ZNF250: variants seen among roughly 807,000 people sequenced by gnomAD.
ZNF250 encodes zinc finger protein 250.
A neutral mutation model predicts 37.1 loss-of-function variants in ZNF250; 13 were observed. That is an observed-to-expected ratio of 0.35 (90% CI 0.23 to 0.56). The LOEUF is 0.56. Among genes scored for constraint, ZNF250 ranks in the 20% least tolerant of loss-of-function variants. ZNF250 has a pLI of 0.87. For missense variants in ZNF250, 474 were observed against 697.9 expected, an observed-to-expected ratio of 0.68 and a Z score of 3.61; for synonymous variants, 251 against 265.6, an observed-to-expected ratio of 0.94 and a Z score of 0.54.
At chr8:144,901,996 C>G (rs1390678508), upstream of ZNF250, 2 of 152,392 alleles carry the variant, frequency 1.3e-5, no homozygotes, top group African/African-American at 4.8e-5. The surrounding 1 kb of genome is among the most constrained non-coding windows in gnomAD (Gnocchi z 5.4). Context: ...TCTCTTCCTT[C>G]GTTGCAACAC....
Position 144,882,258 on chromosome 8 carries a change from G to T in ZNF250, c.925C>A (p.Pro309Thr). Residue 309 changes from proline to threonine, a missense_variant, in exon 6 of 6, where the codon CCG becomes ACG. Physicochemically the swap from Pro to Thr is conservative, Grantham distance 38. Around this residue, in one of 2 missense-constraint regions of ZNF250, gnomAD observed 282 missense variants for 470.4 expected, o/e 0.60. Coordinates refer to ENST00000417550, the MANE Select transcript of ZNF250 (RefSeq NM_001109689.4). This position sits in a 1 kb window ranked among gnomAD's most constrained non-coding sequence, Gnocchi z 5.5. ...TGGTTGAAGGCTTTCCCACACAACG[G>T]ACACACATATGGCCTTTCTCCCGTG... ...IHTGERPYVC[P>T]LCGKAFNHST... 1 of 1,613,708 alleles carries T rather than the reference G, an allele frequency of 6.2e-7. No homozygotes were observed. Among genetic ancestry groups the T allele is most frequent in the Non-Finnish European group, 8.5e-7 (1 of 1,179,856 alleles).
chr8:144,889,060 G>A (rs567848275), intron 4 of ZNF250, among the ~76,000 whole-genome samples: 2 of 152,288 alleles, frequency 1.3e-5, no homozygotes, highest in African/African-American at 4.8e-5. Flanking sequence ...GAGCCACCAC[G>A]CCTGGCCGGT....
Position 144,882,048 on chromosome 8 carries a change from G to A in ZNF250, c.1135C>T (p.Gln379Ter). 6.2e-7 allele frequency: 1 copy of A among 1,613,790 alleles called. No individual in the cohort carries two copies. Among genetic ancestry groups the A allele is most frequent in the Non-Finnish European group, 8.5e-7 (1 of 1,179,920 alleles). ...TCCCCGGTGTGCACGTTGTGGTGCT[G>A]AATGAGGACTGAGCGGTCGCTGAAG... ...KAFSDRSVLI[Q>*]HHNVHTGEKP... The change falls in exon 6 of 6, where the codon CAG becomes TAG. Residue 379 changes from glutamine (Q) to a stop codon, truncating the protein, a stop_gained. Transcript: ENST00000417550. LOFTEE classifies it high-confidence loss of function. The surrounding 1 kb of genome is among the most constrained non-coding windows in gnomAD (Gnocchi z 5.5).
chr8:144,889,861 C>A, intron 3 of ZNF250, 72 bp downstream of exon 3: 2 of 1,528,518 alleles, frequency 1.3e-6, no homozygotes, highest in East Asian at 2.3e-5. Flanking sequence ...TGTCCCAGGC[C>A]CCGTACCCTG....
chr8:144,890,182 T>G lies in ZNF250; in HGVS notation c.43-123A>C. The stretch of plus-strand genomic sequence containing the variant: ...GGGCTCTGTGAGCTGAGGTGGGTGA[T>G]GGGAAGGGGCCGCGGAGTTCAGGGC... On this transcript the variant is annotated intron_variant, in intron 2 of 5. Transcript: ENST00000417550. This position sits in a 1 kb window ranked among gnomAD's most constrained non-coding sequence, Gnocchi z 5.1. 6.6e-7 allele frequency: 1 copy of G among 1,518,696 alleles called. No individual in the cohort carries two copies. The allele number at this position is 1,518,696 out of a possible 1,614,324, so 94.1% of individuals were successfully genotyped here. A position where few individuals can be genotyped will look rare whatever the true frequency, so the allele number is the denominator to read the frequency against.
At chr8:144,899,019 T>G (rs1832909947) in intron 1 of ZNF250, among the ~76,000 whole-genome samples, 1 of 152,202 alleles carries the variant, frequency 6.6e-6, no homozygotes, top group Non-Finnish European at 1.5e-5. Context: ...AAATGTGGTA[T>G]ATGTACACAA....
chr8:144,898,731 C>T (rs1035774838), intron 1 of ZNF250, among the ~76,000 whole-genome samples: 1 of 152,054 alleles, frequency 6.6e-6, no homozygotes, highest in East Asian at 1.9e-4. Flanking sequence ...GGGAGTCAAA[C>T]AATTCAATAG....
chr8:144,881,959 G>A lies in ZNF250; in HGVS notation c.1224C>T (p.His408=), dbSNP rs1328096030. 3.7e-6 allele frequency: 6 copies of A among 1,614,024 alleles called. No individual in the cohort carries two copies. Among genetic ancestry groups the A allele is most frequent in the Non-Finnish European group, 2.5e-6 (3 of 1,180,008 alleles). ...TFSHRSTLMN[H]ERIHTEEKPY... is the part of the protein sequence containing the mutation. ...GCTTTTCCTCGGTGTGGATCCGCTCGTGATTCATCAGTGTGGAGCGGTGGC... is the reference window on the plus strand; with the variant it reads ...GCTTTTCCTCGGTGTGGATCCGCTCATGATTCATCAGTGTGGAGCGGTGGC... Residue 408 remains histidine (H), a synonymous_variant, in exon 6 of 6, where the codon CAC becomes CAT. Transcript: ENST00000417550.
Position 144,881,331 on chromosome 8 carries a change from G to T in ZNF250, c.*184C>A. On this transcript the variant is annotated 3_prime_UTR_variant, in exon 6 of 6. Coordinates refer to ENST00000417550, the MANE Select transcript of ZNF250 (RefSeq NM_001109689.4). Reference sequence around the variant, plus strand: ...TCAAGATGTTGAGGAAAATAAAACAGGTAGTCTCTGAAGTTTTTCCACAGG... The same window carrying T: ...TCAAGATGTTGAGGAAAATAAAACATGTAGTCTCTGAAGTTTTTCCACAGG... The T allele has an allele frequency of 1.4e-6, 1 of 738,164 alleles. No individual in the cohort carries two copies. Among genetic ancestry groups the T allele is most frequent in the Non-Finnish European group, 2.0e-6 (1 of 494,060 alleles). The allele number at this position is 738,164 out of a possible 1,614,324, so 45.7% of individuals were successfully genotyped here.
At chr8:144,898,006 C>T (rs1019950821) in intron 1 of ZNF250, among the ~76,000 whole-genome samples, 1 of 152,200 alleles carries the variant, frequency 6.6e-6, no homozygotes, top group Non-Finnish European at 1.5e-5. Flanking sequence ...GAACATTTCA[C>T]GGTGCTACAG....
At position 144,882,129 on chromosome 8, in the gene ZNF250, G is replaced by C; in HGVS notation, c.1054C>G (p.His352Asp). The change falls in exon 6 of 6, where the codon CAC becomes GAC. Residue 352 changes from histidine (H) to aspartate (D), a missense_variant. Physicochemically the swap from His to Asp is moderately conservative, Grantham distance 81 (BLOSUM62 -1). Transcript: ENST00000417550. The surrounding 1 kb of genome is among the most constrained non-coding windows in gnomAD (Gnocchi z 5.5). ...TFSVKRTLLQHQRIHTGEKPY... is the reference protein window; with the variant it reads ...TFSVKRTLLQDQRIHTGEKPY... ...TTCTCCCCGGTGTGGATCCTCTGGT[G>C]CTGCAGCAGTGTCCTCTTCACACTG... The C allele has an allele frequency of 2.5e-6, 4 of 1,613,396 alleles. No homozygotes were observed. The highest frequency in any genetic ancestry group is 3.4e-6 in the Non-Finnish European group (4 of 1,179,832).
At chr8:144,894,607 A>G (rs1341643879) in intron 1 of ZNF250, among the ~76,000 whole-genome samples, 2 of 146,622 alleles carry the variant, frequency 1.4e-5, no homozygotes, top group Non-Finnish European at 3.0e-5. Context: ...TTTTTTTTTA[A>G]TTACTTCTAG....
intron 5 of ZNF250, among the ~76,000 whole-genome samples, chr8:144,883,894 T>G (rs1831683613): frequency 1.3e-5 from 2 of 152,034 alleles, no homozygotes; most frequent in Admixed American, 1.3e-4. Flanking sequence ...GTGATTTTTT[T>G]TTTAGATGGA....
At position 144,880,382 on chromosome 8, in the gene ZNF250, A is replaced by T; in HGVS notation, c.*1133T>A. The T allele has an allele frequency of 2.2e-6, 1 of 456,432 alleles. No individual in the cohort carries two copies. The highest frequency in any genetic ancestry group is 4.4e-6 in the Non-Finnish European group (1 of 226,768). 28.3% of individuals were successfully genotyped at this position (456,432 alleles called of 1,614,324 possible). Reference sequence around the variant, plus strand: ...GTACCCACTTGGTGTAACAGCTATGAGGTCTGCTGAGTGTGAAGCTCCCCT... The same window carrying T: ...GTACCCACTTGGTGTAACAGCTATGTGGTCTGCTGAGTGTGAAGCTCCCCT... On this transcript the variant is annotated 3_prime_UTR_variant, in exon 6 of 6. Coordinates refer to ENST00000417550, the MANE Select transcript of ZNF250 (RefSeq NM_001109689.4).
Position 144,890,143 on chromosome 8 carries a change from C to G in ZNF250, c.43-84G>C. 6.4e-7 allele frequency: 1 copy of G among 1,564,418 alleles called. No homozygotes were observed. The highest frequency in any genetic ancestry group is 1.2e-5 in the South Asian group (1 of 85,680). On this transcript the variant is annotated intron_variant, in intron 2 of 5. Transcript: ENST00000417550. This position sits in a 1 kb window ranked among gnomAD's most constrained non-coding sequence, Gnocchi z 5.1. ...GGGTGCATGTGACATGTGACATGAG[C>G]AGTTGGCAGTGGGGGGCTCTGTGAG...
At chr8:144,901,795 G>C (rs148793047), upstream of ZNF250, 2 of 152,808 alleles carry the variant, frequency 1.3e-5, no homozygotes, top group African/African-American at 4.8e-5. The surrounding 1 kb of genome is among the most constrained non-coding windows in gnomAD (Gnocchi z 5.4). Flanking sequence ...TCGCCCTGTG[G>C]AGGACACCCC....
At position 144,880,481 on chromosome 8, in the gene ZNF250, T is replaced by C. The variant is rs1490566218; in HGVS notation, c.*1034A>G. 2.2e-6 allele frequency: 1 copy of C among 456,722 alleles called. No homozygotes were observed. The highest frequency in any genetic ancestry group is 4.4e-6 in the Non-Finnish European group (1 of 226,988). The allele number at this position is 456,722 out of a possible 1,614,324, so 28.3% of individuals were successfully genotyped here. A position where few individuals can be genotyped will look rare whatever the true frequency, so the allele number is the denominator to read the frequency against. On this transcript the variant is annotated 3_prime_UTR_variant, in exon 6 of 6. Coordinates refer to ENST00000417550, the MANE Select transcript of ZNF250 (RefSeq NM_001109689.4). The stretch of plus-strand genomic sequence containing the variant: ...GATCTGCAGGTCATAAGGGCAAGTT[T>C]TGAGGAAAATACCCATTTTTGAGTT...
At chr8:144,893,365 C>G (rs1832486036) in intron 1 of ZNF250, among the ~76,000 whole-genome samples, 1 of 152,122 alleles carries the variant, frequency 6.6e-6, no homozygotes. Flanking sequence ...GAATCTCGCT[C>G]TGTCACCCAG....
chr8:144,901,748 C>G (rs1299080169), upstream of ZNF250: 1 of 152,852 alleles, frequency 6.5e-6, no homozygotes, highest in Non-Finnish European at 1.5e-5. This position sits in a 1 kb window ranked among gnomAD's most constrained non-coding sequence, Gnocchi z 5.4. Context: ...CCGAGCCTTA[C>G]CCGCTCGCAG....
Sources: gnomAD v4.1 joint callset for allele counts (sites outside exome capture counted in the v4.1 genomes callset) on GRCh38, gnomAD v4.1.1 for gene constraint, gnomAD v4.1.1 regional missense constraint, Gnocchi (gnomAD v3.1) non-coding constraint, MANE v1.5 for transcripts, NCBI Gene and HGNC (gene_info 2026-07-23, HGNC 2026-07-21) for gene names.